The following NPAS3 variants were observed in gnomAD, a reference collection of about 807,000 sequenced individuals.
The protein encoded by NPAS3 is neuronal PAS domain-containing protein 3.
NPAS3 carries 14 observed loss-of-function variants against 73.1 expected under a neutral mutation model. That is an observed-to-expected ratio of 0.19 (90% confidence interval 0.13 to 0.30). The LOEUF is 0.30. NPAS3 is among the 10% of genes least tolerant of loss of function. The pLI, the probability that NPAS3 is intolerant of heterozygous loss-of-function variation, is 1.00. For missense variants in NPAS3, 1,096 were observed against 1,250.0 expected (o/e 0.88, Z 1.86); for synonymous variants, 620 against 541.5 (o/e 1.14, Z -2.01).
chr14:33,478,237 T>A (rs1389951376), intron 4 of NPAS3, among the ~76,000 whole-genome samples: 4 of 152,178 alleles, frequency 2.6e-5, no homozygotes, highest in African/African-American at 9.7e-5. Context: ...TAACATTAAA[T>A]CAACCTTAAT....
At chr14:33,104,171 T>C (rs2042656085) in intron 2 of NPAS3, among the ~76,000 whole-genome samples, 1 of 152,148 alleles carries the variant, frequency 6.6e-6, no homozygotes, top group East Asian at 1.9e-4. Context: ...TTTCTGTAAA[T>C]AACAAAAGGA....
At chr14:33,724,249 TA>T (rs1385118279) in intron 6 of NPAS3, among the ~76,000 whole-genome samples, 1 of 152,072 alleles carries the variant, frequency 6.6e-6, no homozygotes, top group Non-Finnish European at 1.5e-5. Context: ...AAAACCCAAT[TA>T]GAAAATAGAG....
intron 1 of NPAS3, among the ~76,000 whole-genome samples, chr14:33,009,822 CA>C (rs1049142539): frequency 5.5e-4 from 83 of 152,198 alleles, no homozygotes; most frequent in African/African-American, 1.9e-3. Flanking sequence ...TGTCTAACTC[CA>C]GAGCCCCAAA....
At chr14:33,036,344 C>T (rs2040168310) in intron 1 of NPAS3, among the ~76,000 whole-genome samples, 2 of 152,096 alleles carry the variant, frequency 1.3e-5, no homozygotes, top group African/African-American at 4.8e-5. Context: ...TTGCAGAGAA[C>T]AGTGATTAAG....
intron 6 of NPAS3, among the ~76,000 whole-genome samples, chr14:33,703,003 T>C (rs2060562338): frequency 6.6e-6 from 1 of 152,168 alleles, no homozygotes; most frequent in African/African-American, 2.4e-5. Flanking sequence ...GAATTAGGAC[T>C]TTTAGTTTAA....
In NPAS3 at chr14:33,157,901, C is replaced by T. The variant is rs118033339; in HGVS notation, c.141-57281C>T. Among the ~76,000 whole-genome samples, 42 of 152,124 alleles carry T rather than the reference C, an allele frequency of 2.8e-4. 1 individual carries two copies. In the East Asian group the frequency reaches 4.5e-3, roughly 16 times the overall value. ...TCATGTGGTTTTTGTGAAGATTACA[C>T]GAAGATGACATGAAGATAACACTAG... is the stretch of plus-strand genomic sequence containing the variant. On this transcript the variant is annotated intron_variant, in intron 2 of 11. Coordinates refer to ENST00000356141, the Ensembl canonical transcript of NPAS3.
At chr14:33,612,396 C>A (rs942696344) in intron 5 of NPAS3, 1 of 455,930 alleles carries the variant, frequency 2.2e-6, no homozygotes, top group Non-Finnish European at 4.4e-6. Flanking sequence ...TCTTTTCTAC[C>A]CTCCACAGGC....
intron 1 of NPAS3, among the ~76,000 whole-genome samples, chr14:32,956,029 GAGTAAA>G (rs980686043): frequency 2.4e-4 from 36 of 152,040 alleles, no homozygotes; most frequent in African/African-American, 7.7e-4. Flanking sequence ...ATTAAGCAAG[GAGTAAA>G]GAAAATCAGT....
chr14:33,623,861 A>G (rs1201176242), intron 5 of NPAS3, among the ~76,000 whole-genome samples: 1 of 152,184 alleles, frequency 6.6e-6, no homozygotes, highest in Non-Finnish European at 1.5e-5. Context: ...TGTCAATTGA[A>G]TCAATTGATA....
At chr14:33,402,792 G>C (rs539879491) in intron 4 of NPAS3, among the ~76,000 whole-genome samples, 21 of 152,272 alleles carry the variant, frequency 1.4e-4, no homozygotes, top group African/African-American at 5.1e-4. Flanking sequence ...TGGCTGTAGA[G>C]GCCTTGGGCA....
intron 2 of NPAS3, among the ~76,000 whole-genome samples, chr14:33,142,181 T>C (rs1751446926): frequency 6.9e-6 from 1 of 144,920 alleles, no homozygotes; most frequent in Non-Finnish European, 1.5e-5. Flanking sequence ...TTTATTTTAA[T>C]TTGTATAAGC....
chr14:33,211,243 C>G (rs1278861736), intron 2 of NPAS3, among the ~76,000 whole-genome samples: 1 of 152,164 alleles, frequency 6.6e-6, no homozygotes, highest in East Asian at 1.9e-4. Context: ...AGGATTTATA[C>G]CCAGGCTGGC....
chr14:33,798,977 C>CCAAA (rs1354628813), intron 11 of NPAS3, among the ~76,000 whole-genome samples: 4 of 106,242 alleles, frequency 3.8e-5, no homozygotes, highest in Non-Finnish European at 7.3e-5. Flanking sequence ...CCTGTCTCTA[C>CCAAA]AAAAAAAAAA....
chr14:33,228,237 A>G (rs188152081), intron 3 of NPAS3, among the ~76,000 whole-genome samples: 1 of 152,340 alleles, frequency 6.6e-6, no homozygotes, highest in Admixed American at 6.5e-5. Flanking sequence ...GAATTCTAGC[A>G]TGTAAAAAGT....
At chr14:33,769,669 A>G (rs2062578291) in intron 7 of NPAS3, among the ~76,000 whole-genome samples, 1 of 151,606 alleles carries the variant, frequency 6.6e-6, no homozygotes, top group South Asian at 2.1e-4. Context: ...TGTTGAGCAT[A>G]TAATACACAT....
At chr14:33,254,029 A>C (rs1054114509) in intron 3 of NPAS3, among the ~76,000 whole-genome samples, 1 of 152,032 alleles carries the variant, frequency 6.6e-6, no homozygotes. Context: ...TTCTTATTCA[A>C]GTTGGCTAGA....
At chr14:33,081,897 G>A (rs902848782) in intron 2 of NPAS3, among the ~76,000 whole-genome samples, 22 of 152,176 alleles carry the variant, frequency 1.4e-4, no homozygotes, top group African/African-American at 5.3e-4. Flanking sequence ...GAATGCCCTG[G>A]ACGGCAAACT....
At chr14:33,706,393 C>T (rs1173013292) in intron 6 of NPAS3, among the ~76,000 whole-genome samples, 1 of 152,078 alleles carries the variant, frequency 6.6e-6, no homozygotes, top group Non-Finnish European at 1.5e-5. Flanking sequence ...AAAATCAGAG[C>T]AATTAAAGTC....
chr14:33,582,072 A>G (rs1247467073), intron 5 of NPAS3: 1 of 152,162 alleles, frequency 6.6e-6, no homozygotes, highest in African/African-American at 2.4e-5. Flanking sequence ...ACCCATTCTT[A>G]TACCCTCAGG....
Sources: allele counts gnomAD v4.1 joint callset (sites outside exome capture counted in the v4.1 genomes callset), GRCh38; gene constraint gnomAD v4.1.1; transcripts MANE v1.5; gene names NCBI Gene and HGNC (gene_info 2026-07-23, HGNC 2026-07-21).